The following GRM8 variants were observed in gnomAD, a reference collection of about 807,000 sequenced individuals.
GRM8 encodes glutamate metabotropic receptor 8, also known as metabotropic glutamate receptor 8.
Under a neutral mutation model 87.2 loss-of-function variants are expected in GRM8, and 47 were observed. The observed-to-expected ratio is 0.54, with a 90% CI of 0.43 to 0.69. The LOEUF is 0.69. Ranked by LOEUF, GRM8 falls within the 30% of genes least tolerant of loss-of-function variation. GRM8 has a pLI of 0.00. For missense variants in GRM8, 1,019 were observed against 1,139.2 expected, an observed-to-expected ratio of 0.89 and a Z score of 1.52; for synonymous variants, 396 against 404.5, an observed-to-expected ratio of 0.98 and a Z score of 0.25.
At chr7:126,490,438 A>G (rs966738434) in intron 9 of GRM8, among the ~76,000 whole-genome samples, 1 of 152,112 alleles carries the variant, frequency 6.6e-6, no homozygotes, top group Non-Finnish European at 1.5e-5. Flanking sequence ...AGCTTTGGCA[A>G]TCAATAATCA....
Position 127,252,591 on chromosome 7 carries a change from A to G in GRM8, c.-312+206T>C, listed in dbSNP as rs1300180333. On this transcript the variant is annotated intron_variant, in intron 1 of 10. Coordinates refer to ENST00000339582, the MANE Select transcript of GRM8 (RefSeq NM_000845.3). The surrounding 1 kb of genome is among the most constrained non-coding windows in gnomAD (Gnocchi z 4.9). ...TTGTGCTCAGGAAAAACAAATCACT[A>G]GAGTGATATGAGAAGGAATGGTGCA... Among the ~76,000 whole-genome samples, 3 of 152,054 alleles carry G rather than the reference A, an allele frequency of 2.0e-5. No individual in the cohort carries two copies. The highest frequency in any genetic ancestry group is 6.5e-5 in the Admixed American group (1 of 15,280).
intron 7 of GRM8, among the ~76,000 whole-genome samples, chr7:126,662,689 G>A (rs1402166147): frequency 6.6e-6 from 1 of 152,008 alleles, no homozygotes; most frequent in Non-Finnish European, 1.5e-5. Context: ...AACATAATAA[G>A]CTAAGGCTTG....
intron 3 of GRM8, among the ~76,000 whole-genome samples, chr7:127,093,011 T>G (rs1824303950): frequency 6.6e-6 from 1 of 152,210 alleles, no homozygotes; most frequent in African/African-American, 2.4e-5. Flanking sequence ...TTCTTTCTTA[T>G]TCAAATGTGT....
At chr7:126,931,993 TC>T (rs754506366) in intron 3 of GRM8, among the ~76,000 whole-genome samples, 1 of 152,162 alleles carries the variant, frequency 6.6e-6, no homozygotes, top group Non-Finnish European at 1.5e-5. Context: ...TAATTAACAT[TC>T]CTTTTAATCT....
intron 3 of GRM8, among the ~76,000 whole-genome samples, chr7:127,035,161 T>TA (rs1817736790): frequency 6.6e-6 from 1 of 152,156 alleles, no homozygotes; most frequent in Non-Finnish European, 1.5e-5. Flanking sequence ...TGATACTCCA[T>TA]AAAAAACAAT....
intron 8 of GRM8, among the ~76,000 whole-genome samples, chr7:126,576,752 C>A (rs911897713): frequency 2.0e-5 from 3 of 152,108 alleles, no homozygotes; most frequent in Admixed American, 6.6e-5. Context: ...CAGTGAGGAT[C>A]CTGAGCTCCT....
chr7:127,005,030 C>A (rs1053114188), intron 3 of GRM8, among the ~76,000 whole-genome samples: 3 of 150,960 alleles, frequency 2.0e-5, no homozygotes, highest in African/African-American at 2.4e-5. Context: ...AGGAAAAAAA[C>A]CATCATTTTG....
At chr7:126,584,593 C>T (rs573872182) in intron 8 of GRM8, among the ~76,000 whole-genome samples, 16 of 152,288 alleles carry the variant, frequency 1.1e-4, no homozygotes, top group South Asian at 8.3e-4. Context: ...AATAAGACTA[C>T]CTTACATTTA....
chr7:127,099,725 A>G (rs569254817), intron 3 of GRM8, among the ~76,000 whole-genome samples: 1 of 152,220 alleles, frequency 6.6e-6, no homozygotes, highest in South Asian at 2.1e-4. Context: ...CCTAGCCCAA[A>G]TCCCATCCCT....
chr7:127,011,453 G>T (rs1231730853), intron 3 of GRM8, among the ~76,000 whole-genome samples: 1 of 152,022 alleles, frequency 6.6e-6, no homozygotes, highest in Non-Finnish European at 1.5e-5. Context: ...TCTCACTTAG[G>T]ATGTGCAGTT....
chr7:126,455,088 A>G (rs966260861), intron 9 of GRM8, among the ~76,000 whole-genome samples: 2 of 151,790 alleles, frequency 1.3e-5, no homozygotes, highest in African/African-American at 4.8e-5. Flanking sequence ...TACAACCATA[A>G]CATCTATCAA....
rs150384739 is a variant in GRM8, at chr7:126,571,976, C to T, written c.1494+37386G>A. On this transcript the variant is annotated intron_variant, in intron 8 of 10. Transcript: ENST00000339582. ...CAGGCTGGTCTCGAACTCCTGACCT[C>T]GTGATCCTCCTGCCTCGACCTCCCA... Among the ~76,000 whole-genome samples the T allele has an allele frequency of 4.8e-3, 732 of 151,974 alleles. 5 individuals carry two copies. The highest frequency in any genetic ancestry group is 0.017 in the African/African-American group (693 of 41,468).
chr7:126,968,211 T>A (rs530269537), intron 3 of GRM8, among the ~76,000 whole-genome samples: 1 of 152,204 alleles, frequency 6.6e-6, no homozygotes, highest in Non-Finnish European at 1.5e-5. Context: ...CTCAGAAGTA[T>A]GTAAATGCTC....
intron 9 of GRM8, among the ~76,000 whole-genome samples, chr7:126,459,201 A>G (rs1563028604): frequency 1.3e-5 from 2 of 151,568 alleles, no homozygotes; most frequent in Non-Finnish European, 3.0e-5. Context: ...CAAATTTTGC[A>G]TAACTTTACA....
intron 7 of GRM8, among the ~76,000 whole-genome samples, chr7:126,661,995 G>C (rs547785478): frequency 6.7e-6 from 1 of 148,308 alleles, no homozygotes. Flanking sequence ...AAAAGGTATT[G>C]TTATTAACTG....
intron 6 of GRM8, among the ~76,000 whole-genome samples, chr7:126,865,345 T>C (rs1307140878): frequency 2.0e-5 from 3 of 152,202 alleles, no homozygotes; most frequent in Non-Finnish European, 4.4e-5. Context: ...ACTTTTGGTG[T>C]TTCCAAAGAT....
intron 3 of GRM8, among the ~76,000 whole-genome samples, chr7:127,036,863 G>A (rs758986725): frequency 2.0e-5 from 3 of 152,002 alleles, no homozygotes; most frequent in Non-Finnish European, 2.9e-5. Flanking sequence ...TTTTCTTTTT[G>A]GTTAGAGCTA....
At position 126,718,166 on chromosome 7, in the gene GRM8, G is replaced by A. The variant is rs190473188; in HGVS notation, c.1357+51699C>T. Among the ~76,000 whole-genome samples, 692 of 152,198 alleles carry A rather than the reference G, an allele frequency of 4.5e-3. 5 individuals are homozygous for A. The highest frequency in any genetic ancestry group is 7.4e-3 in the Admixed American group (113 of 15,288). On this transcript the variant is annotated intron_variant, in intron 7 of 10. Transcript: ENST00000339582. The stretch of plus-strand genomic sequence containing the variant: ...GCAGGAGAATGGCGTGAATCCAGGA[G>A]TGGGAGCTTGCAGTGAGCCGAGATC...
At chr7:127,002,393 T>A (rs1220706323) in intron 3 of GRM8, among the ~76,000 whole-genome samples, 1 of 151,636 alleles carries the variant, frequency 6.6e-6, no homozygotes, top group Non-Finnish European at 1.5e-5. Flanking sequence ...AGAAAAAATT[T>A]CTTCCTCCTA....
Sources: allele counts gnomAD v4.1 joint callset (sites outside exome capture counted in the v4.1 genomes callset), GRCh38; gene constraint gnomAD v4.1.1; non-coding constraint Gnocchi (gnomAD v3.1); transcripts MANE v1.5; gene names NCBI Gene and HGNC (gene_info 2026-07-23, HGNC 2026-07-21).